EBF2: variants seen among roughly 807,000 people sequenced by gnomAD.
EBF2 encodes the protein EBF transcription factor 2, also known as transcription factor COE2.
Under a neutral mutation model 72.8 loss-of-function variants are expected in EBF2, and 21 were observed. The observed-to-expected ratio is 0.29, with a 90% CI of 0.20 to 0.42. EBF2 has a LOEUF of 0.42. Among genes scored for constraint, EBF2 ranks in the 10% least tolerant of loss-of-function variants. The pLI, the probability that EBF2 is intolerant of heterozygous loss-of-function variation, is 1.00. For synonymous variants in EBF2, 299 were observed against 274.2 expected (o/e 1.09, Z -0.89); for missense variants, 637 against 731.2 (o/e 0.87, Z 1.49).
chr8:25,871,936 A>G (rs932475430), intron 10 of EBF2, among the ~76,000 whole-genome samples: 1 of 151,700 alleles, frequency 6.6e-6, no homozygotes, highest in African/African-American at 2.4e-5. Context: ...TATTTAACTA[A>G]AAATATCTAC....
At chr8:25,858,008 G>A in intron 14 of EBF2, 1 of 497,186 alleles carries the variant, frequency 2.0e-6, no homozygotes, top group Middle Eastern at 3.0e-4. Context: ...GTGCCTAAGA[G>A]CACACATATT....
intron 5 of EBF2, among the ~76,000 whole-genome samples, chr8:26,035,121 C>G (rs527612691): frequency 6.7e-6 from 1 of 149,334 alleles, no homozygotes; most frequent in Non-Finnish European, 1.5e-5. Context: ...ACCCAATGGC[C>G]TAGCACCAAC....
At chr8:25,881,944 C>T (rs954442720) in intron 10 of EBF2, among the ~76,000 whole-genome samples, 1 of 152,174 alleles carries the variant, frequency 6.6e-6, no homozygotes, top group African/African-American at 2.4e-5. Context: ...CCTTCTGGCT[C>T]CCTTATCTGC....
intron 6 of EBF2, among the ~76,000 whole-genome samples, chr8:25,917,568 A>C (rs1451655636): frequency 6.6e-6 from 1 of 152,216 alleles, no homozygotes. Flanking sequence ...AGAACTCAGC[A>C]AAACTGAATC....
intron 6 of EBF2, among the ~76,000 whole-genome samples, chr8:25,971,782 G>C (rs532045839): frequency 1.3e-5 from 2 of 151,962 alleles, no homozygotes; most frequent in Admixed American, 6.5e-5. Flanking sequence ...GGTTTTCTGA[G>C]TCACTGGCTA....
intron 6 of EBF2, among the ~76,000 whole-genome samples, chr8:25,990,652 C>T (rs1208675890): frequency 6.6e-6 from 1 of 152,182 alleles, no homozygotes; most frequent in East Asian, 1.9e-4. Context: ...CAGCCCATGT[C>T]TTCTTAGATA....
At chr8:25,944,450 G>A (rs901265788) in intron 6 of EBF2, among the ~76,000 whole-genome samples, 5 of 151,962 alleles carry the variant, frequency 3.3e-5, no homozygotes. Context: ...AATGTATACG[G>A]TTTGAAATCC....
At chr8:25,887,117 G>GTCTC (rs67623458) in intron 9 of EBF2, among the ~76,000 whole-genome samples, 6 of 149,772 alleles carry the variant, frequency 4.0e-5, no homozygotes, top group South Asian at 2.1e-4. Context: ...GTATGTCTCT[G>GTCTC]TCTCTCTCTC....
Position 25,861,193 on chromosome 8 carries a change from C to T in EBF2, c.1198G>A (p.Glu400Lys). Reference sequence around the variant, plus strand: ...TTCCTGGGGACGCTGTAGAGAGCTTCAGCAATGTCTGCGGCTCGCTTCAAA... The same window carrying T: ...TTCCTGGGGACGCTGTAGAGAGCTTTAGCAATGTCTGCGGCTCGCTTCAAA... ...IILKRAADIA[E>K]ALYSVPRNPS... The change falls in exon 13 of 16, where the codon GAA becomes AAA. Residue 400 changes from glutamate (E) to lysine (K), a missense_variant. Physicochemically the swap from Glu to Lys is moderately conservative, Grantham distance 56. This residue lies in a region of EBF2 where 259 missense variants were observed against 268.1 expected (regional missense o/e 0.97). Transcript: ENST00000520164. 1 of 1,613,662 alleles carries T rather than the reference C, an allele frequency of 6.2e-7. No homozygotes were observed. The highest frequency in any genetic ancestry group is 8.5e-7 in the Non-Finnish European group (1 of 1,179,732).
At position 25,842,306 on chromosome 8, in the gene EBF2, G is replaced by C. The variant is rs190751388; in HGVS notation, c.*2303C>G. The C allele has an allele frequency of 6.6e-6, 1 of 152,264 alleles. No individual in the cohort carries two copies. The highest frequency in any genetic ancestry group is 1.9e-4 in the East Asian group (1 of 5,184). The allele number at this position is 152,264 out of a possible 1,614,324, so 9.4% of individuals were successfully genotyped here. On this transcript the variant is annotated 3_prime_UTR_variant, in exon 16 of 16. Transcript: ENST00000520164. ...TAGCTCTGTTGCTGCCAGGGTTCTA[G>C]CTGAATGGTCAAGATGTCTGGTATT...
At chr8:25,889,510 A>G (rs1802743262) in intron 8 of EBF2, among the ~76,000 whole-genome samples, 1 of 152,170 alleles carries the variant, frequency 6.6e-6, no homozygotes, top group South Asian at 2.1e-4. Flanking sequence ...CACAAAAAGG[A>G]AAACACAGAA....
intron 6 of EBF2, among the ~76,000 whole-genome samples, chr8:25,927,270 C>T (rs531827006): frequency 5.3e-5 from 8 of 151,396 alleles, no homozygotes; most frequent in Non-Finnish European, 1.0e-4. Context: ...TCCCACCCCA[C>T]CCCACCCTAC....
At chr8:25,980,149 C>A (rs548220294) in intron 6 of EBF2, among the ~76,000 whole-genome samples, 1 of 152,138 alleles carries the variant, frequency 6.6e-6, no homozygotes, top group Non-Finnish European at 1.5e-5. Flanking sequence ...CACCAAAAAA[C>A]GGAAAAGCGG....
At chr8:25,978,426 C>T (rs2171079) in intron 6 of EBF2, among the ~76,000 whole-genome samples, 25,380 of 152,176 alleles carry the variant, frequency 0.17, 2,652 homozygotes, top group African/African-American at 0.3. Context: ...TGCGGATCTC[C>T]AAGTTGCTGC....
chr8:25,965,646 C>T (rs1804102950), intron 6 of EBF2, among the ~76,000 whole-genome samples: 1 of 152,158 alleles, frequency 6.6e-6, no homozygotes, highest in South Asian at 2.1e-4. Context: ...TGATCCCTGC[C>T]ATTCCAACTA....
rs151003224 is a variant in EBF2 at position 25,845,073 on chromosome 8, C to T, written c.1697-433G>A. Reference sequence around the variant, plus strand: ...TGAGCCTGTTGATTTACTAGGGCATCGTTGATAACAAATCAAGCTTTTTAT... The same window carrying T: ...TGAGCCTGTTGATTTACTAGGGCATTGTTGATAACAAATCAAGCTTTTTAT... On this transcript the variant is annotated intron_variant, in intron 15 of 15. Coordinates refer to ENST00000520164, the MANE Select transcript of EBF2 (RefSeq NM_022659.4). Among the ~76,000 whole-genome samples, 127 of 152,148 alleles carry T rather than the reference C, an allele frequency of 8.3e-4. 2 individuals carry two copies. Among genetic ancestry groups the T allele is most frequent in the African/African-American group, 2.9e-3 (120 of 41,496 alleles).
chr8:26,011,265 C>A (rs1201812651), intron 6 of EBF2, among the ~76,000 whole-genome samples: 6 of 152,208 alleles, frequency 3.9e-5, no homozygotes, highest in Non-Finnish European at 8.8e-5. Context: ...GATACGATTT[C>A]TTATTTTTAG....
chr8:25,949,013 T>A (rs1803815773), intron 6 of EBF2, among the ~76,000 whole-genome samples: 1 of 152,202 alleles, frequency 6.6e-6, no homozygotes. Context: ...TCTTCTACTA[T>A]TCAAATGTTT....
chr8:25,898,127 G>T (rs1408267382), intron 7 of EBF2, among the ~76,000 whole-genome samples: 2 of 152,138 alleles, frequency 1.3e-5, no homozygotes, highest in Non-Finnish European at 1.5e-5. Context: ...TTATTGCACG[G>T]TAATCTGTCA....
Sources: gnomAD v4.1 joint callset for allele counts (sites outside exome capture counted in the v4.1 genomes callset) on GRCh38, gnomAD v4.1.1 for gene constraint, gnomAD v4.1.1 regional missense constraint, MANE v1.5 for transcripts, NCBI Gene and HGNC (gene_info 2026-07-23, HGNC 2026-07-21) for gene names.